The following NRG1 variants were observed in gnomAD, a reference collection of about 807,000 sequenced individuals.
NRG1 encodes the protein pro-neuregulin-1, membrane-bound isoform.
In NRG1, 18 loss-of-function variants were observed where a neutral mutation model predicts 63.8. That is an observed-to-expected ratio of 0.28 (90% CI 0.19 to 0.42). The LOEUF is 0.42. Among genes scored for constraint, NRG1 ranks in the 10% least tolerant of loss-of-function variants. The pLI, the probability that NRG1 is intolerant of heterozygous loss-of-function variation, is 1.00. For synonymous variants in NRG1, 302 were observed against 301.3 expected, an observed-to-expected ratio of 1.00 and a Z score of -0.02; for missense variants, 762 against 814.7, an observed-to-expected ratio of 0.94 and a Z score of 0.79.
intron 5 of NRG1, among the ~76,000 whole-genome samples, chr8:32,624,523 T>G (rs1376835724): frequency 2.0e-5 from 3 of 152,088 alleles, no homozygotes; most frequent in Non-Finnish European, 2.9e-5. Flanking sequence ...AAAGGAAAAT[T>G]AAAAATAGGT....
rs116385849 is a variant in NRG1, at chr8:31,943,374, G to C, written c.37+303943G>C. Among the ~76,000 whole-genome samples the C allele has an allele frequency of 4.2e-3, 642 of 152,186 alleles. 7 individuals are homozygous for C. The highest frequency in any genetic ancestry group is 0.015 in the African/African-American group (612 of 41,520). On this transcript the variant is annotated intron_variant, in intron 1 of 10. Transcript: ENST00000519301. ...TAAGAATGATACATTGGACTTCGGG[G>C]ACTTGCAGGGAAAGTTTGGGGACTG...
intron 1 of NRG1, among the ~76,000 whole-genome samples, chr8:31,686,860 C>T (rs1466091760): frequency 6.6e-6 from 1 of 152,066 alleles, no homozygotes; most frequent in Non-Finnish European, 1.5e-5. Context: ...CCTCCGCTTC[C>T]TTGGTTCAAC....
intron 1 of NRG1, among the ~76,000 whole-genome samples, chr8:31,893,832 T>C (rs1294235439): frequency 2.0e-5 from 3 of 152,030 alleles, no homozygotes; most frequent in South Asian, 4.1e-4. Flanking sequence ...TTTTGTAGCA[T>C]TGATTAACTT....
chr8:32,014,684 C>A lies in NRG1; in HGVS notation c.37+375253C>A, dbSNP rs561472864. Among the ~76,000 whole-genome samples the A allele has an allele frequency of 2.6e-5, 4 of 151,860 alleles. No individual in the cohort carries two copies. The East Asian group carries it at 7.8e-4, about 30-fold the overall frequency. On this transcript the variant is annotated intron_variant, in intron 1 of 10. Transcript: ENST00000519301. ...TTTGTCGTCTCACTCTCTGCATAAC[C>A]TCTATTATGAGTTGAATTTTGAGCC...
chr8:32,456,495 T>C (rs1161731622), intron 1 of NRG1, among the ~76,000 whole-genome samples: 1 of 152,210 alleles, frequency 6.6e-6, no homozygotes, highest in East Asian at 1.9e-4. Flanking sequence ...CTCCATACCC[T>C]ACTCCATCTG....
At chr8:31,680,130 ATTTTTAT>A (rs1585617309) in intron 1 of NRG1, among the ~76,000 whole-genome samples, 2 of 151,112 alleles carry the variant, frequency 1.3e-5, no homozygotes, top group East Asian at 1.9e-4. Context: ...AAAATTGTTT[ATTTTTAT>A]TTTTTATTTT....
Position 31,911,709 on chromosome 8 carries a change from G to A in NRG1, c.37+272278G>A, listed in dbSNP as rs28712850. 7.6e-3 allele frequency among the ~76,000 whole-genome samples: 1,154 copies of A among 152,126 alleles called. 36 individuals carry two copies. The highest frequency in any genetic ancestry group is 0.055 in the Admixed American group (845 of 15,284). On this transcript the variant is annotated intron_variant, in intron 1 of 10. Coordinates refer to the NRG1 transcript ENST00000519301. Reference sequence around the variant, plus strand: ...TTACCTAAACAACAAACCTGCACATGTACCTCTGAACTTAAAAAAGAAACT... The same window carrying A: ...TTACCTAAACAACAAACCTGCACATATACCTCTGAACTTAAAAAAGAAACT...
chr8:32,712,926 T>G (rs1818178364), intron 5 of NRG1, among the ~76,000 whole-genome samples: 1 of 152,184 alleles, frequency 6.6e-6, no homozygotes, highest in African/African-American at 2.4e-5. Context: ...GCTATATCTC[T>G]TATCTCTAGA....
At chr8:32,741,456 T>C (rs1689076383) in intron 6 of NRG1, among the ~76,000 whole-genome samples, 1 of 152,206 alleles carries the variant, frequency 6.6e-6, no homozygotes, top group African/African-American at 2.4e-5. Flanking sequence ...GTAATGTCTT[T>C]TTAAAAAACA....
At chr8:32,302,903 C>G (rs1855737571) in intron 1 of NRG1, among the ~76,000 whole-genome samples, 1 of 152,200 alleles carries the variant, frequency 6.6e-6, no homozygotes, top group African/African-American at 2.4e-5. Flanking sequence ...AACCTGTGGC[C>G]GAGCACGGGG....
At chr8:32,715,040 C>T (rs1474432987) in intron 5 of NRG1, among the ~76,000 whole-genome samples, 1 of 152,024 alleles carries the variant, frequency 6.6e-6, no homozygotes, top group African/African-American at 2.4e-5. Context: ...GTGGCACAAA[C>T]ATGGCTCACT....
At chr8:32,519,985 G>T (rs1036724155) in intron 1 of NRG1, among the ~76,000 whole-genome samples, 2 of 151,958 alleles carry the variant, frequency 1.3e-5, no homozygotes, top group Admixed American at 6.6e-5. Flanking sequence ...CAATCCACAT[G>T]TGTATACTGC....
chr8:31,948,027 A>G (rs1004580974), intron 1 of NRG1, among the ~76,000 whole-genome samples: 2 of 151,116 alleles, frequency 1.3e-5, no homozygotes, highest in Non-Finnish European at 2.9e-5. Context: ...TTAAATTACT[A>G]TATATATTTA....
At chr8:32,537,412 G>T (rs981784731) in intron 1 of NRG1, among the ~76,000 whole-genome samples, 2 of 152,010 alleles carry the variant, frequency 1.3e-5, no homozygotes, top group South Asian at 4.1e-4. Flanking sequence ...TGAACATATG[G>T]CATTTTTATT....
intron 1 of NRG1, among the ~76,000 whole-genome samples, chr8:32,250,639 T>C (rs1019851164): frequency 4.1e-4 from 63 of 152,272 alleles, no homozygotes; most frequent in Non-Finnish European, 8.5e-4. Flanking sequence ...GGAAAATCTT[T>C]TAAAACTGTT....
At position 32,623,644 on chromosome 8, in the gene NRG1, T is replaced by A. The variant is rs1848704969; in HGVS notation, c.502+6759T>A. On this transcript the variant is annotated intron_variant, in intron 5 of 11. Transcript: ENST00000356819. ...CAGATTTTTAGGATACTAGAGTGAC[T>A]TGGTGCAAGAGTTGGGGCTCGTATA... is the stretch of plus-strand genomic sequence containing the variant. Among the ~76,000 whole-genome samples the A allele has an allele frequency of 2.0e-5, 3 of 152,214 alleles. No individual in the cohort carries two copies. The South Asian group carries it at 6.2e-4, about 32-fold the overall frequency.
chr8:32,535,871 G>T (rs1358175784), intron 1 of NRG1, among the ~76,000 whole-genome samples: 1 of 152,126 alleles, frequency 6.6e-6, no homozygotes, highest in Admixed American at 6.5e-5. Flanking sequence ...AAGAAAGTGA[G>T]GTCTGGGAAA....
At chr8:32,140,034 G>C (rs1220787715) in intron 1 of NRG1, among the ~76,000 whole-genome samples, 1 of 152,086 alleles carries the variant, frequency 6.6e-6, no homozygotes, top group African/African-American at 2.4e-5. Context: ...TTCTTCCCCT[G>C]CCTGGCACAT....
intron 1 of NRG1, among the ~76,000 whole-genome samples, chr8:32,453,267 A>G (rs1821189537): frequency 6.6e-6 from 1 of 152,236 alleles, no homozygotes; most frequent in Middle Eastern, 3.2e-3. Context: ...GACAACATAT[A>G]TCTTGCTCCT....
Sources: gnomAD v4.1 joint callset for allele counts (sites outside exome capture counted in the v4.1 genomes callset) on GRCh38, gnomAD v4.1.1 for gene constraint, MANE v1.5 for transcripts, NCBI Gene and HGNC (gene_info 2026-07-23, HGNC 2026-07-21) for gene names.